The following LMX1A variants were observed in gnomAD, a reference collection of about 807,000 sequenced individuals.
The protein encoded by LMX1A is LIM homeobox transcription factor 1 alpha.
A neutral mutation model predicts 49.1 loss-of-function variants in LMX1A; 15 were observed. The observed-to-expected ratio is 0.31, with a 90% CI of 0.20 to 0.47. The LOEUF (loss-of-function observed/expected upper bound fraction) is 0.47, where lower values mean the gene tolerates loss of function less well. LMX1A is among the 20% of genes least tolerant of loss of function. The pLI is 1.00. For missense variants in LMX1A, 372 were observed against 475.8 expected (o/e 0.78, Z 2.03); for synonymous variants, 167 against 185.7 (o/e 0.90, Z 0.82).
chr1:165,308,419 T>C, intron 3 of LMX1A, among the ~76,000 whole-genome samples: 1 of 152,242 alleles, frequency 6.6e-6, no homozygotes, highest in East Asian at 1.9e-4. Context: ...ATATACATTT[T>C]AGATACCATG....
intron 4 of LMX1A, among the ~76,000 whole-genome samples, chr1:165,219,271 G>C (rs1651751250): frequency 6.6e-6 from 1 of 152,108 alleles, no homozygotes; most frequent in South Asian, 2.1e-4. Context: ...CCATAAACAG[G>C]GCAAGAGATA....
chr1:165,291,377 A>G (rs932984055), intron 3 of LMX1A, among the ~76,000 whole-genome samples: 2 of 152,182 alleles, frequency 1.3e-5, no homozygotes, highest in Admixed American at 1.3e-4. Flanking sequence ...AGAGATGAAG[A>G]GGAGAGTTCA....
intron 1 of LMX1A, 113 bp downstream of exon 1, chr1:165,356,242 T>A (rs1398604044): frequency 1.3e-5 from 2 of 151,494 alleles, no homozygotes; most frequent in East Asian, 2.0e-4. Flanking sequence ...AGCAAAAGAG[T>A]CGCCTCGGGG....
At chr1:165,247,054 C>CTTTTTTTTTTTTTTTTT (rs71097567) in intron 4 of LMX1A, among the ~76,000 whole-genome samples, 2,589 of 53,218 alleles carry the variant, frequency 0.049, 816 homozygotes, top group Middle Eastern at 0.065. Flanking sequence ...TCAGCTTTTT[C>CTTTTTTTTTTTTTTTTT]TTTTTTTTTT....
intron 4 of LMX1A, among the ~76,000 whole-genome samples, chr1:165,220,762 T>C (rs1007648740): frequency 1.3e-5 from 2 of 152,132 alleles, no homozygotes; most frequent in African/African-American, 4.8e-5. Context: ...CATTAATTAC[T>C]AATAACCATT....
In LMX1A at chr1:165,346,256, G is replaced by A. The variant is rs535604036; in HGVS notation, c.263+6820C>T. Among the ~76,000 whole-genome samples the A allele has an allele frequency of 3.3e-5, 5 of 152,300 alleles. No homozygotes were observed. The South Asian group carries it at 1.0e-3, about 32-fold the overall frequency. On this transcript the variant is annotated intron_variant, in intron 3 of 8. Coordinates refer to ENST00000342310, the MANE Select transcript of LMX1A (RefSeq NM_177398.4). ...GATCGATCTATTGGTGCAAGGAGAC[G>A]TTGGAGGCCCAGAGAGTCAGAAAAG...
chr1:165,278,945 T>C (rs1833030), intron 3 of LMX1A, among the ~76,000 whole-genome samples: 62,880 of 151,978 alleles, frequency 0.41, 13,345 homozygotes, highest in African/African-American at 0.47. Context: ...TACAACACCC[T>C]GAGGGAACCT....
chr1:165,245,288 A>G (rs1053724486), intron 4 of LMX1A, among the ~76,000 whole-genome samples: 1 of 152,012 alleles, frequency 6.6e-6, no homozygotes, highest in Non-Finnish European at 1.5e-5. Flanking sequence ...AAGCCACCCT[A>G]GAGGTCATTG....
chr1:165,326,554 A>G (rs563924979), intron 3 of LMX1A, among the ~76,000 whole-genome samples: 1 of 152,324 alleles, frequency 6.6e-6, no homozygotes, highest in South Asian at 2.1e-4. Flanking sequence ...TTCTCATTTT[A>G]TTCATGAAGA....
At chr1:165,336,768 C>A (rs931386397) in intron 3 of LMX1A, among the ~76,000 whole-genome samples, 1 of 152,134 alleles carries the variant, frequency 6.6e-6, no homozygotes, top group African/African-American at 2.4e-5. Flanking sequence ...TCCTCAACGA[C>A]CTAATGCCTA....
At chr1:165,234,803 A>G (rs2102624066) in intron 4 of LMX1A, among the ~76,000 whole-genome samples, 1 of 152,308 alleles carries the variant, frequency 6.6e-6, no homozygotes, top group Non-Finnish European at 1.5e-5. Flanking sequence ...TTTTCTGCTT[A>G]TTGATGTTTC....
At chr1:165,318,334 C>T (rs1171030306) in intron 3 of LMX1A, among the ~76,000 whole-genome samples, 3 of 152,208 alleles carry the variant, frequency 2.0e-5, no homozygotes, top group Non-Finnish European at 4.4e-5. Flanking sequence ...CCACAAGCAT[C>T]CTCCCAGGTA....
At chr1:165,272,575 G>A (rs1653828896) in intron 3 of LMX1A, among the ~76,000 whole-genome samples, 1 of 152,166 alleles carries the variant, frequency 6.6e-6, no homozygotes, top group Non-Finnish European at 1.5e-5. Context: ...AATGACCATA[G>A]TGGCGATTTG....
At position 165,249,392 on chromosome 1, in the gene LMX1A, A is replaced by G; in HGVS notation, c.496+16T>C. 1.3e-6 allele frequency: 2 copies of G among 1,594,316 alleles called. No individual in the cohort carries two copies. Among genetic ancestry groups the G allele is most frequent in the Non-Finnish European group, 8.6e-7 (1 of 1,161,868 alleles). On this transcript the variant is annotated intron_variant, in intron 4 of 8. Transcript: ENST00000342310. ...TACCCACCCCACCGCAGCCCTGCCC[A>G]CCACCTGGCACTCACCTGAGTCTGA...
intron 3 of LMX1A, among the ~76,000 whole-genome samples, chr1:165,266,595 CTTT>C (rs61551654): frequency 3.8e-5 from 3 of 79,182 alleles, no homozygotes; most frequent in African/African-American, 1.0e-4. Flanking sequence ...TTCTTTCTTT[CTTT>C]TTTTTTTTTT....
chr1:165,321,402 G>T (rs1347156916), intron 3 of LMX1A, among the ~76,000 whole-genome samples: 3 of 152,092 alleles, frequency 2.0e-5, no homozygotes, highest in Non-Finnish European at 2.9e-5. Context: ...GAATTTTATG[G>T]TATGTCAATT....
At chr1:165,209,837 C>A (rs774022288) in intron 6 of LMX1A, among the ~76,000 whole-genome samples, 2 of 152,104 alleles carry the variant, frequency 1.3e-5, no homozygotes, top group Non-Finnish European at 2.9e-5. Context: ...CCAGTTGATC[C>A]GAAGCATAGG....
At chr1:165,244,273 G>T (rs1343081731) in intron 4 of LMX1A, among the ~76,000 whole-genome samples, 1 of 152,072 alleles carries the variant, frequency 6.6e-6, no homozygotes, top group Non-Finnish European at 1.5e-5. Flanking sequence ...TATGCTTTGT[G>T]GTAAATGAGT....
intron 6 of LMX1A, among the ~76,000 whole-genome samples, chr1:165,209,244 A>G (rs1046524654): frequency 3.9e-5 from 6 of 152,130 alleles, no homozygotes; most frequent in African/African-American, 7.2e-5. Flanking sequence ...ACCTTAACCA[A>G]TCATGATCAA....
Sources: gnomAD v4.1 joint callset for allele counts (sites outside exome capture counted in the v4.1 genomes callset) on GRCh38, gnomAD v4.1.1 for gene constraint, MANE v1.5 for transcripts, NCBI Gene and HGNC (gene_info 2026-07-23, HGNC 2026-07-21) for gene names.